ERP44: variants seen among roughly 807,000 people sequenced by gnomAD.
ERP44 encodes endoplasmic reticulum protein 44, also known as endoplasmic reticulum resident protein 44.
A neutral mutation model predicts 53.4 loss-of-function variants in ERP44; 25 were observed. That is an observed-to-expected ratio of 0.47 (90% CI 0.34 to 0.65). The LOEUF (loss-of-function observed/expected upper bound fraction) is 0.65, where lower values mean the gene tolerates loss of function less well. Among genes scored for constraint, ERP44 ranks in the 30% least tolerant of loss-of-function variants. ERP44 has a pLI of 0.01. For synonymous variants in ERP44, 145 were observed against 161.2 expected, an observed-to-expected ratio of 0.90 and a Z score of 0.76; for missense variants, 338 against 493.2, an observed-to-expected ratio of 0.69 and a Z score of 2.98.
intron 1 of ERP44, among the ~76,000 whole-genome samples, chr9:100,074,273 C>A (rs1047877614): frequency 2.0e-5 from 3 of 152,156 alleles, no homozygotes; most frequent in Admixed American, 2.0e-4. Flanking sequence ...ATCCTCCCCA[C>A]CCCCGTCAGT....
At position 100,098,894 on chromosome 9, in the gene ERP44, G is replaced by C. The variant is rs1327853459; in HGVS notation, c.-54C>G. ...GGCGCTGGCGGCTGGGACTGGGCTAGGTTGGGTTGGGTTAGGAAAGGGCTG... is the reference window on the plus strand; with the variant it reads ...GGCGCTGGCGGCTGGGACTGGGCTACGTTGGGTTGGGTTAGGAAAGGGCTG... On this transcript the variant is annotated 5_prime_UTR_variant, in exon 1 of 12. Coordinates refer to ENST00000262455, the MANE Select transcript of ERP44 (RefSeq NM_015051.3). 3.3e-6 allele frequency: 5 copies of C among 1,500,954 alleles called. No homozygotes were observed. The highest frequency in any genetic ancestry group is 4.6e-6 in the Non-Finnish European group (5 of 1,079,666). The allele number at this position is 1,500,954 out of a possible 1,614,324, so 93.0% of individuals were successfully genotyped here.
At chr9:100,013,375 GTAA>G (rs1051724637) in intron 8 of ERP44, among the ~76,000 whole-genome samples, 4 of 148,496 alleles carry the variant, frequency 2.7e-5, no homozygotes, top group East Asian at 2.0e-4. Flanking sequence ...AAAAACCAGA[GTAA>G]TAATAATAAT....
chr9:100,087,038 G>C (rs757467908), intron 1 of ERP44, among the ~76,000 whole-genome samples: 3 of 150,252 alleles, frequency 2.0e-5, no homozygotes, highest in Non-Finnish European at 2.9e-5. Flanking sequence ...GCAGTCTCTG[G>C]CATACAGTAA....
At chr9:100,033,440 G>A (rs1284385732) in intron 4 of ERP44, among the ~76,000 whole-genome samples, 3 of 152,172 alleles carry the variant, frequency 2.0e-5, no homozygotes, top group Non-Finnish European at 4.4e-5. Flanking sequence ...TAAACTCACA[G>A]GTATTTGAGG....
At chr9:100,019,821 G>A (rs949749367) in intron 6 of ERP44, among the ~76,000 whole-genome samples, 1 of 152,144 alleles carries the variant, frequency 6.6e-6, no homozygotes, top group Admixed American at 6.5e-5. Flanking sequence ...AAGGCCACTC[G>A]ATTTGGTAAT....
Position 100,095,107 on chromosome 9 carries a change from A to G in ERP44, c.57+3677T>C, listed in dbSNP as rs532442386. Among the ~76,000 whole-genome samples, 38 of 152,260 alleles carry G rather than the reference A, an allele frequency of 2.5e-4. No individual in the cohort carries two copies. The East Asian group carries it at 7.1e-3, about 29-fold the overall frequency. On this transcript the variant is annotated intron_variant, in intron 1 of 11. Coordinates refer to ENST00000262455, the MANE Select transcript of ERP44 (RefSeq NM_015051.3). ...GGAAGAGATTTTATATAATTATAAA[A>G]TAAAAGGTAAATTTTTAAAAACTAA...
At chr9:100,088,225 C>T (rs1458928082) in intron 1 of ERP44, among the ~76,000 whole-genome samples, 2 of 152,218 alleles carry the variant, frequency 1.3e-5, no homozygotes, top group African/African-American at 2.4e-5. Context: ...AAACAACATA[C>T]ATAGTAAGGG....
chr9:100,000,435 C>CAAAA (rs34304276), intron 10 of ERP44, among the ~76,000 whole-genome samples: 3 of 123,974 alleles, frequency 2.4e-5, no homozygotes, highest in East Asian at 4.7e-4. Flanking sequence ...GATCCTGTAT[C>CAAAA]AAAAAAAAAA....
intron 1 of ERP44, among the ~76,000 whole-genome samples, chr9:100,077,760 G>A (rs1025214646): frequency 6.6e-6 from 1 of 152,242 alleles, no homozygotes; most frequent in African/African-American, 2.4e-5. Context: ...TGGGGTGACT[G>A]ACCCAGACTA....
intron 4 of ERP44, among the ~76,000 whole-genome samples, chr9:100,049,395 C>T (rs532410218): frequency 3.3e-5 from 5 of 151,974 alleles, no homozygotes; most frequent in South Asian, 2.1e-4. Context: ...GAGACCCTGT[C>T]GCAAACAAAT....
intron 1 of ERP44, among the ~76,000 whole-genome samples, chr9:100,082,683 A>G (rs1342135480): frequency 6.6e-6 from 1 of 151,824 alleles, no homozygotes; most frequent in East Asian, 1.9e-4. Flanking sequence ...TTCGCATTCT[A>G]TGAATACAGT....
chr9:100,017,290 G>T, intron 7 of ERP44, among the ~76,000 whole-genome samples: 1 of 152,230 alleles, frequency 6.6e-6, no homozygotes, highest in South Asian at 2.1e-4. Flanking sequence ...TTATCATCCC[G>T]TTTTTACTAA....
intron 1 of ERP44, among the ~76,000 whole-genome samples, chr9:100,090,437 A>C (rs1826539694): frequency 6.6e-6 from 1 of 152,278 alleles, no homozygotes; most frequent in Middle Eastern, 3.4e-3. Flanking sequence ...TTCCCCCTAC[A>C]TTATTTAAAA....
intron 11 of ERP44, among the ~76,000 whole-genome samples, chr9:99,983,748 AT>A (rs1830172137): frequency 6.6e-6 from 1 of 152,184 alleles, no homozygotes; most frequent in South Asian, 2.1e-4. Flanking sequence ...CTACAAACTT[AT>A]CATTTGACTT....
At chr9:100,030,813 T>C (rs1327757407) in intron 4 of ERP44, among the ~76,000 whole-genome samples, 1 of 152,152 alleles carries the variant, frequency 6.6e-6, no homozygotes, top group Non-Finnish European at 1.5e-5. Context: ...AACTTTTGAT[T>C]GAGTGTCACT....
chr9:100,014,125 G>T (rs538991907), intron 8 of ERP44, among the ~76,000 whole-genome samples: 3 of 152,294 alleles, frequency 2.0e-5, no homozygotes, highest in East Asian at 3.9e-4. Context: ...AAGATGGTAA[G>T]TGGGGGTAAT....
intron 1 of ERP44, among the ~76,000 whole-genome samples, chr9:100,082,409 G>C (rs1281029702): frequency 6.7e-6 from 1 of 150,216 alleles, no homozygotes; most frequent in East Asian, 1.9e-4. Context: ...TATATATGCA[G>C]AAAAAAGGAA....
At chr9:100,072,162 T>A (rs919559750) in intron 1 of ERP44, among the ~76,000 whole-genome samples, 60 of 152,148 alleles carry the variant, frequency 3.9e-4, no homozygotes, top group Non-Finnish European at 6.9e-4. Context: ...CCAGTGACAG[T>A]CTCAAAGCTT....
At chr9:100,000,908 T>C (rs1177481653) in intron 10 of ERP44, among the ~76,000 whole-genome samples, 1 of 152,156 alleles carries the variant, frequency 6.6e-6, no homozygotes, top group Non-Finnish European at 1.5e-5. Context: ...GCTTGGTTTG[T>C]TCTTTTTCTA....
Sources: allele counts gnomAD v4.1 joint callset (sites outside exome capture counted in the v4.1 genomes callset), GRCh38; gene constraint gnomAD v4.1.1; transcripts MANE v1.5; gene names NCBI Gene and HGNC (gene_info 2026-07-23, HGNC 2026-07-21).